The following LRMDA variants were observed in gnomAD, a reference collection of about 807,000 sequenced individuals.
LRMDA encodes the protein leucine rich melanocyte differentiation associated.
Under a neutral mutation model 29.8 loss-of-function variants are expected in LRMDA, and 18 were observed. The ratio of observed to expected loss-of-function variants is 0.60; its 90% CI spans 0.42 to 0.90. LRMDA has a LOEUF of 0.90. LRMDA is among the 40% of genes least tolerant of loss of function. The pLI is 0.00. For synonymous variants in LRMDA, 125 were observed against 109.4 expected (o/e 1.14, Z -0.89); for missense variants, 273 against 273.9 (o/e 1.00, Z 0.02).
chr10:76,057,499 A>G (rs1444990057), intron 4 of LRMDA, among the ~76,000 whole-genome samples: 10 of 152,254 alleles, frequency 6.6e-5, no homozygotes. Flanking sequence ...GGGTAAGGAC[A>G]TTAATGAACA....
At chr10:76,371,158 C>T (rs1841449597) in intron 6 of LRMDA, among the ~76,000 whole-genome samples, 1 of 152,244 alleles carries the variant, frequency 6.6e-6, no homozygotes, top group African/African-American at 2.4e-5. Context: ...TAAGTCAAGT[C>T]AGATTTGATC....
At chr10:76,265,657 GC>G (rs1358051780) in intron 5 of LRMDA, among the ~76,000 whole-genome samples, 4 of 152,158 alleles carry the variant, frequency 2.6e-5, no homozygotes, top group Admixed American at 6.5e-5. Context: ...GACCCATCAG[GC>G]CCTTATGGGC....
chr10:75,925,972 A>G (rs1030047891), intron 2 of LRMDA, among the ~76,000 whole-genome samples: 2 of 152,168 alleles, frequency 1.3e-5, no homozygotes, highest in African/African-American at 4.8e-5. Flanking sequence ...GATAGGTTCT[A>G]TTAATATTGC....
chr10:75,747,467 G>A (rs2132215549), intron 2 of LRMDA, among the ~76,000 whole-genome samples: 1 of 152,222 alleles, frequency 6.6e-6, no homozygotes. Context: ...TATGAAATAC[G>A]ATAGGGACCA....
At chr10:75,477,823 G>A (rs1216385395) in intron 2 of LRMDA, among the ~76,000 whole-genome samples, 1 of 152,208 alleles carries the variant, frequency 6.6e-6, no homozygotes. Context: ...TGTCACCCAG[G>A]CACTGCTGCT....
intron 5 of LRMDA, among the ~76,000 whole-genome samples, chr10:76,072,513 A>C (rs896059598): frequency 6.6e-6 from 1 of 152,212 alleles, no homozygotes; most frequent in Non-Finnish European, 1.5e-5. Flanking sequence ...CTAGACCTTC[A>C]TGTCATTCTA....
intron 2 of LRMDA, among the ~76,000 whole-genome samples, chr10:75,843,222 C>CATT (rs1844572651): frequency 6.6e-6 from 1 of 152,162 alleles, no homozygotes; most frequent in Admixed American, 6.5e-5. Context: ...GACTATTGAA[C>CATT]ATTATGGACA....
chr10:75,741,076 A>G lies in LRMDA; in HGVS notation c.132-294932A>G, dbSNP rs141304796. On this transcript the variant is annotated intron_variant, in intron 2 of 6. Coordinates refer to ENST00000611255, the MANE Select transcript of LRMDA (RefSeq NM_001305581.2). ...CACTAGCTTAGCAGCATGAAACAAC[A>G]CTGTTTACTAGCTGTAGGTTGAGAA... Among the ~76,000 whole-genome samples the G allele has an allele frequency of 1.3e-4, 20 of 152,326 alleles. No homozygotes were observed. In the East Asian group the frequency reaches 3.3e-3, roughly 25 times the overall value.
chr10:76,254,840 C>T lies in LRMDA; in HGVS notation c.517-69561C>T, dbSNP rs567482473. ...CAAGTTCATTTTATTTTAGAAGTTA[C>T]GACCGGTTTTATAGGAACAATGTGC... is the stretch of plus-strand genomic sequence containing the variant. On this transcript the variant is annotated intron_variant, in intron 5 of 6. Coordinates refer to ENST00000611255, the MANE Select transcript of LRMDA (RefSeq NM_001305581.2). Among the ~76,000 whole-genome samples, 15 of 151,954 alleles carry T rather than the reference C, an allele frequency of 9.9e-5. No individual in the cohort carries two copies. In the South Asian group the frequency reaches 1.7e-3, roughly 17 times the overall value.
intron 5 of LRMDA, among the ~76,000 whole-genome samples, chr10:76,263,767 GA>G (rs1839971724): frequency 6.6e-6 from 1 of 152,174 alleles, no homozygotes; most frequent in African/African-American, 2.4e-5. Context: ...GAAATAAATT[GA>G]TTTTGGTGAT....
rs116198539 is a variant in LRMDA at position 76,187,581 on chromosome 10, G to T, written c.516+128798G>T. Reference sequence around the variant, plus strand: ...AATGGGGATTATCCCCATACCTCATGGAGTTGTTAAGAAGATCAAATAGAG... The same window carrying T: ...AATGGGGATTATCCCCATACCTCATTGAGTTGTTAAGAAGATCAAATAGAG... On this transcript the variant is annotated intron_variant, in intron 5 of 6. Transcript: ENST00000611255. 8.6e-3 allele frequency among the ~76,000 whole-genome samples: 1,307 copies of T among 152,326 alleles called. 21 individuals are homozygous for T. The highest frequency in any genetic ancestry group is 0.03 in the African/African-American group (1,239 of 41,570).
intron 5 of LRMDA, among the ~76,000 whole-genome samples, chr10:76,098,760 G>C (rs751631198): frequency 6.6e-6 from 1 of 152,172 alleles, no homozygotes; most frequent in Admixed American, 6.5e-5. Context: ...AGCCAGCTGT[G>C]TGGGAGACTG....
intron 2 of LRMDA, among the ~76,000 whole-genome samples, chr10:76,010,109 G>A (rs1847750195): frequency 6.6e-6 from 1 of 152,084 alleles, no homozygotes; most frequent in African/African-American, 2.4e-5. Context: ...CTGGGAAAAG[G>A]CCTTGGAGAG....
At chr10:76,218,891 G>A (rs1438227248) in intron 5 of LRMDA, among the ~76,000 whole-genome samples, 3 of 152,202 alleles carry the variant, frequency 2.0e-5, no homozygotes, top group Non-Finnish European at 2.9e-5. Context: ...ATGGGGAGCA[G>A]CCAGTGTGAT....
chr10:76,207,988 G>A (rs1398070090), intron 5 of LRMDA, among the ~76,000 whole-genome samples: 2 of 152,040 alleles, frequency 1.3e-5, no homozygotes, highest in African/African-American at 4.8e-5. Context: ...GTCCACTGGT[G>A]TTCCTGTTCC....
At chr10:75,823,545 C>G (rs1163372084) in intron 2 of LRMDA, among the ~76,000 whole-genome samples, 2 of 152,132 alleles carry the variant, frequency 1.3e-5, no homozygotes, top group African/African-American at 4.8e-5. Context: ...AGTATAACCT[C>G]TATGGAAAAC....
At chr10:76,538,828 G>C (rs1315571009) in intron 6 of LRMDA, among the ~76,000 whole-genome samples, 1 of 151,934 alleles carries the variant, frequency 6.6e-6, no homozygotes, top group African/African-American at 2.4e-5. Flanking sequence ...GTATATTAAA[G>C]TATTATAGCA....
intron 2 of LRMDA, among the ~76,000 whole-genome samples, chr10:75,656,491 C>T (rs572575430): frequency 7.9e-5 from 12 of 152,246 alleles, no homozygotes; most frequent in South Asian, 2.1e-4. Context: ...TAGCAGTCCC[C>T]GTGCTTTGGG....
At chr10:75,651,021 A>G (rs1187706040) in intron 2 of LRMDA, among the ~76,000 whole-genome samples, 1 of 152,088 alleles carries the variant, frequency 6.6e-6, no homozygotes, top group Non-Finnish European at 1.5e-5. Context: ...ACTTGGCCCA[A>G]AATGTTCTCT....
Sources: allele counts gnomAD v4.1 joint callset (sites outside exome capture counted in the v4.1 genomes callset), GRCh38; gene constraint gnomAD v4.1.1; transcripts MANE v1.5; gene names NCBI Gene and HGNC (gene_info 2026-07-23, HGNC 2026-07-21).